Variants in CUL2 observed in about 807,000 individuals in gnomAD.
CUL2 encodes cullin-2.
CUL2 carries 22 observed loss-of-function variants against 110.2 expected under a neutral mutation model. The observed-to-expected ratio is 0.20, with a 90% confidence interval of 0.14 to 0.28. The LOEUF (loss-of-function observed/expected upper bound fraction) is 0.28. CUL2 is among the 10% of genes least tolerant of loss of function. CUL2 has a pLI of 1.00. For missense variants in CUL2, 631 were observed against 905.5 expected (o/e 0.70, Z 3.89); for synonymous variants, 279 against 293.2 (o/e 0.95, Z 0.49).
Position 35,044,864 on chromosome 10 carries a change from G to A in CUL2, c.511C>T (p.Arg171Cys), listed in dbSNP as rs1453886512. 6.2e-7 allele frequency: 1 copy of A among 1,608,956 alleles called. No homozygotes were observed. The highest frequency in any genetic ancestry group is 8.5e-7 in the Non-Finnish European group (1 of 1,176,338). ...RMLLREIKND[R>C]GGEDPNQKVI... ...TTCTGGTTTGGGTCTTCTCCACCAC[G>A]ATCACTAAAACAAGGTATAACACAA... is the stretch of plus-strand genomic sequence containing the variant. Residue 171 changes from arginine to cysteine, a missense_variant, in exon 7 of 21, where the codon CGT becomes TGT. By Grantham distance (180) the Arg-to-Cys change is radical. Around this residue, in one of 3 missense-constraint regions of CUL2, gnomAD observed 338 missense variants for 442.5 expected, o/e 0.76. Coordinates refer to ENST00000374749, the MANE Select transcript of CUL2 (RefSeq NM_003591.4).
At chr10:35,039,149 G>C in intron 8 of CUL2, 67 bp from the exon 9 acceptor site, 1 of 1,070,420 alleles carries the variant, frequency 9.3e-7, no homozygotes, top group Non-Finnish European at 1.3e-6. Flanking sequence ...TGTAATATCA[G>C]CAAGTAACTC....
At chr10:35,088,508 A>AG (rs1354558177) in intron 1 of CUL2, among the ~76,000 whole-genome samples, 1 of 151,424 alleles carries the variant, frequency 6.6e-6, no homozygotes, top group Non-Finnish European at 1.5e-5. Flanking sequence ...TCAAAAAAAA[A>AG]AAAAAAAAAA....
intron 1 of CUL2, chr10:35,119,908 C>G (rs1301021846): frequency 6.6e-6 from 1 of 152,156 alleles, no homozygotes; most frequent in Non-Finnish European, 1.5e-5. Context: ...CTCTTTTCCT[C>G]AGACTATATT....
At chr10:35,113,369 G>T (rs1367263825) in intron 1 of CUL2, among the ~76,000 whole-genome samples, 1 of 150,286 alleles carries the variant, frequency 6.7e-6, no homozygotes, top group South Asian at 2.1e-4. Context: ...GTAGTGGTAT[G>T]TGCCTGTAAT....
At chr10:35,122,728 C>G (rs866332662) in intron 1 of CUL2, among the ~76,000 whole-genome samples, 8 of 152,166 alleles carry the variant, frequency 5.3e-5, no homozygotes, top group African/African-American at 1.4e-4. Context: ...ACCTCCACCC[C>G]CTGGGTTCAA....
intron 1 of CUL2, among the ~76,000 whole-genome samples, chr10:35,114,675 C>A (rs2087570489): frequency 6.6e-6 from 1 of 152,156 alleles, no homozygotes; most frequent in African/African-American, 2.4e-5. Context: ...GCCACCGCGC[C>A]TGGCCCGCAG....
At chr10:35,059,523 A>G (rs760885140) in intron 4 of CUL2, among the ~76,000 whole-genome samples, 7 of 152,258 alleles carry the variant, frequency 4.6e-5, no homozygotes, top group African/African-American at 1.2e-4. Flanking sequence ...ATGCTACTGC[A>G]CACTTAACAG....
chr10:35,050,162 A>G (rs2086063339), intron 5 of CUL2, among the ~76,000 whole-genome samples: 1 of 152,064 alleles, frequency 6.6e-6, no homozygotes, highest in African/African-American at 2.4e-5. Flanking sequence ...CTCTACTAAA[A>G]ATACAAAAAT....
At chr10:35,041,914 G>A (rs2085801448) in intron 8 of CUL2, among the ~76,000 whole-genome samples, 1 of 152,068 alleles carries the variant, frequency 6.6e-6, no homozygotes, top group African/African-American at 2.4e-5. Flanking sequence ...TTAACACCTT[G>A]AGATGTAATT....
chr10:35,077,122 T>C (rs562552140), intron 1 of CUL2, among the ~76,000 whole-genome samples: 14 of 152,044 alleles, frequency 9.2e-5, no homozygotes, highest in Non-Finnish European at 1.8e-4. Flanking sequence ...TGATAAATGG[T>C]TAAAATGCAA....
At position 35,016,407 on chromosome 10, in the gene CUL2, C is replaced by T. The variant is rs771667640; in HGVS notation, c.1685-13G>A. ...ATTTTAACTTCACCTACAATTAAAA[C>T]AAAAACTGACAGTGAATTGACCATT... On this transcript the variant is annotated splice_polypyrimidine_tract_variant and intron_variant, in intron 17 of 20. Coordinates refer to ENST00000374749, the MANE Select transcript of CUL2 (RefSeq NM_003591.4). 4 of 1,556,034 alleles carry T rather than the reference C, an allele frequency of 2.6e-6. No homozygotes were observed. Among genetic ancestry groups the T allele is most frequent in the South Asian group, 2.3e-5 (2 of 86,232 alleles).
At chr10:35,068,424 A>AT (rs765861415) in intron 2 of CUL2, among the ~76,000 whole-genome samples, 68 of 152,278 alleles carry the variant, frequency 4.5e-4, no homozygotes, top group Non-Finnish European at 8.7e-4. Context: ...ACTATGTCTA[A>AT]TAAAAAAAAA....
At chr10:35,013,850 A>G (rs771187075) in intron 18 of CUL2, 50 bp from the exon 19 acceptor site, 4 of 1,233,936 alleles carry the variant, frequency 3.2e-6, no homozygotes, top group Non-Finnish European at 4.3e-6. Flanking sequence ...AAATCTTTAA[A>G]TAAGAGTTTG....
upstream of CUL2, among the ~76,000 whole-genome samples, chr10:35,093,183 C>A (rs1425069284): frequency 6.6e-6 from 1 of 151,986 alleles, no homozygotes; most frequent in Non-Finnish European, 1.5e-5. Context: ...ACCAAATTGT[C>A]CATAAAAACC....
At chr10:35,064,184 A>C (rs2086459630) in intron 2 of CUL2, 1 of 152,202 alleles carries the variant, frequency 6.6e-6, no homozygotes, top group South Asian at 2.1e-4. Context: ...GTACTTTATA[A>C]ACTGTCCATC....
At chr10:35,077,873 G>C (rs1407228224) in intron 1 of CUL2, among the ~76,000 whole-genome samples, 25 of 151,594 alleles carry the variant, frequency 1.6e-4, no homozygotes, top group Admixed American at 1.6e-3. Context: ...ATTTACAGAT[G>C]TAATGATATG....
intron 18 of CUL2, among the ~76,000 whole-genome samples, chr10:35,014,058 T>C (rs190210247): frequency 2.8e-4 from 42 of 152,364 alleles, no homozygotes; most frequent in Admixed American, 1.8e-3. Flanking sequence ...TTTCTGGTCC[T>C]ACTATTCTAT....
chr10:35,111,159 T>G (rs2087519390), intron 1 of CUL2, among the ~76,000 whole-genome samples: 1 of 152,188 alleles, frequency 6.6e-6, no homozygotes, highest in African/African-American at 2.4e-5. Context: ...TGGTTGCCAT[T>G]TGCTGAAACA....
chr10:35,121,933 A>G (rs1269704910), intron 1 of CUL2, among the ~76,000 whole-genome samples: 1 of 152,226 alleles, frequency 6.6e-6, no homozygotes, highest in Non-Finnish European at 1.5e-5. Context: ...TAGTTTCCTG[A>G]GTACACAGCA....
Sources: gnomAD v4.1 joint callset for allele counts (sites outside exome capture counted in the v4.1 genomes callset) on GRCh38, gnomAD v4.1.1 for gene constraint, gnomAD v4.1.1 regional missense constraint, MANE v1.5 for transcripts, NCBI Gene and HGNC (gene_info 2026-07-23, HGNC 2026-07-21) for gene names.